Variants in TLK2 observed in about 807,000 individuals in gnomAD.
TLK2 encodes tousled like kinase 2.
In TLK2, 6 loss-of-function variants were observed where a neutral mutation model predicts 117.3. The ratio of observed to expected loss-of-function variants is 0.05; its 90% confidence interval spans 0.03 to 0.10. The LOEUF (loss-of-function observed/expected upper bound fraction) is 0.10, where lower values mean the gene tolerates loss of function less well. Among genes scored for constraint, TLK2 ranks in the 10% least tolerant of loss-of-function variants. TLK2 has a pLI of 1.00. For missense variants in TLK2, 299 were observed against 901.2 expected (o/e 0.33, Z 8.56); for synonymous variants, 257 against 316.7 (o/e 0.81, Z 2.00).
chr17:62,597,663 G>T (rs1567997757), intron 17 of TLK2, among the ~76,000 whole-genome samples: 1 of 152,184 alleles, frequency 6.6e-6, no homozygotes. Context: ...AGGCTCATAG[G>T]CTTATAGGAT....
intron 15 of TLK2, among the ~76,000 whole-genome samples, chr17:62,582,658 A>G (rs2146823894): frequency 6.6e-6 from 1 of 152,354 alleles, no homozygotes; most frequent in East Asian, 1.9e-4. Flanking sequence ...AAAGATAGAT[A>G]TAAAATTTAC....
rs1269796309 is a variant in TLK2 at position 62,520,843 on chromosome 17, A to G, written c.152A>G (p.Glu51Gly). ...SVGSLSDKEV[E>G]TPEKKQNDQR... ...GGATCCTTGAGTGATAAAGAAGTAG[A>G]GGTAAGAAGCTATGTTCATGGCAGG... Residue 51 changes from glutamate to glycine, a missense_variant and splice_region_variant, in exon 3 of 22, where the codon GAG (glutamate) becomes GGG (glycine). Physicochemically the swap from Glu to Gly is moderately conservative, Grantham distance 98. This residue lies in a region of TLK2 where 105 missense variants were observed against 218.4 expected (regional missense o/e 0.48). Coordinates refer to ENST00000346027, the MANE Select transcript of TLK2 (RefSeq NM_006852.6). 6.2e-7 allele frequency: 1 copy of G among 1,612,514 alleles called. No individual in the cohort carries two copies. Among genetic ancestry groups the G allele is most frequent in the South Asian group, 1.1e-5 (1 of 91,044 alleles).
At chr17:62,512,823 T>C (rs1160526439) in intron 2 of TLK2, among the ~76,000 whole-genome samples, 23 of 149,468 alleles carry the variant, frequency 1.5e-4, no homozygotes, top group Non-Finnish European at 3.0e-5. Flanking sequence ...ATTTAAGTTC[T>C]TGATCTATTT....
At chr17:62,516,697 T>C (rs560529487) in intron 2 of TLK2, 2 of 1,606,984 alleles carry the variant, frequency 1.2e-6, no homozygotes, top group East Asian at 2.2e-5. Context: ...GACATCCTTC[T>C]TGGCCACCAT....
At position 62,481,283 on chromosome 17, in the gene TLK2, G is replaced by C. The variant is rs11514500; in HGVS notation, c.81+77G>C. The C allele has an allele frequency of 1.7e-5, 26 of 1,528,690 alleles. No individual in the cohort carries two copies. The South Asian group carries it at 3.0e-4, about 18-fold the overall frequency. The allele number at this position is 1,528,690 out of a possible 1,614,324, so 94.7% of individuals were successfully genotyped here. On this transcript the variant is annotated intron_variant, in intron 2 of 21. Coordinates refer to ENST00000346027, the MANE Select transcript of TLK2 (RefSeq NM_006852.6). ...TTTTTAAATGATTAAGAGCAATTTG[G>C]GTAGGCCCTTCTGATAGTTTGCAGG...
chr17:62,580,207 C>T lies in TLK2; in HGVS notation c.1368+15C>T, dbSNP rs368042706. ...AAGTTTACAAGGTAAGTATAAGGAA[C>T]TGGATACAAAGACTGGGGGTTAAAT... On this transcript the variant is annotated intron_variant, in intron 15 of 21. Coordinates refer to ENST00000346027, the MANE Select transcript of TLK2 (RefSeq NM_006852.6). The T allele has an allele frequency of 8.2e-6, 13 of 1,590,274 alleles. No individual in the cohort carries two copies. In the African/African-American group the frequency reaches 1.8e-4, roughly 21 times the overall value.
In TLK2 at chr17:62,481,191, A is replaced by G. The variant is rs2071599234; in HGVS notation, c.66A>G (p.Gly22=). The G allele has an allele frequency of 1.9e-6, 3 of 1,613,860 alleles. No homozygotes were observed. Among genetic ancestry groups the G allele is most frequent in the Non-Finnish European group, 2.5e-6 (3 of 1,179,814 alleles). ...AATTATTGGAGGCCAGGTTTACTGG[A>G]GTAGGTGTTAGTAAGGTGAGTAAAA... ...RQELLEARFT[G]VGVSKGPLNS... The change falls in exon 2 of 22, where the codon GGA becomes GGG. Residue 22 remains glycine (G), a synonymous_variant. Coordinates refer to ENST00000346027, the MANE Select transcript of TLK2 (RefSeq NM_006852.6).
chr17:62,535,916 A>G (rs553083361), intron 6 of TLK2, among the ~76,000 whole-genome samples: 1 of 152,228 alleles, frequency 6.6e-6, no homozygotes, highest in African/African-American at 2.4e-5. Context: ...ACAAAGTAAC[A>G]TGTAAATTCA....
intron 10 of TLK2, among the ~76,000 whole-genome samples, chr17:62,564,352 A>G (rs1338252916): frequency 1.3e-5 from 2 of 152,162 alleles, no homozygotes; most frequent in Non-Finnish European, 2.9e-5. Flanking sequence ...CCTGGTCAAC[A>G]CAGTGAAACC....
At chr17:62,476,307 G>A (rs1302391871), upstream of TLK2, among the ~76,000 whole-genome samples, 1 of 152,028 alleles carries the variant, frequency 6.6e-6, no homozygotes, top group African/African-American at 2.4e-5. Flanking sequence ...TCATCGGCCA[G>A]GCGCGGTGGC....
rs146661809 is a variant in TLK2 at position 62,575,758 on chromosome 17, A to C, written c.1122-951A>C. 2.0e-4 allele frequency among the ~76,000 whole-genome samples: 31 copies of C among 151,978 alleles called. 1 individual carries two copies. In the East Asian group the frequency reaches 5.6e-3, roughly 28 times the overall value. Reference sequence around the variant, plus strand: ...GTTGCTTGGGCTGGAGTGCAGTGACATGATTATAGCTCACTATAGCCTCAA... The same window carrying C: ...GTTGCTTGGGCTGGAGTGCAGTGACCTGATTATAGCTCACTATAGCCTCAA... On this transcript the variant is annotated intron_variant, in intron 12 of 21. Transcript: ENST00000346027.
chr17:62,498,489 A>T (rs1398627533), intron 2 of TLK2, among the ~76,000 whole-genome samples: 1 of 151,316 alleles, frequency 6.6e-6, no homozygotes, highest in Non-Finnish European at 1.5e-5. Flanking sequence ...TCCTGGGCTC[A>T]AGCGATTCTC....
intron 2 of TLK2, among the ~76,000 whole-genome samples, chr17:62,497,532 C>G (rs1192285285): frequency 6.6e-6 from 1 of 152,072 alleles, no homozygotes; most frequent in Non-Finnish European, 1.5e-5. Context: ...GCTTTTTCCC[C>G]CATTATTAGA....
chr17:62,597,782 T>G (rs1172878277), intron 17 of TLK2, among the ~76,000 whole-genome samples: 2 of 152,196 alleles, frequency 1.3e-5, no homozygotes, highest in African/African-American at 4.8e-5. Context: ...TTGTGGGCAT[T>G]GCTATATTTT....
intron 16 of TLK2, 135 bp from the exon 17 acceptor site, chr17:62,596,450 G>T (rs966708603): frequency 1.6e-6 from 1 of 638,360 alleles, no homozygotes; most frequent in Non-Finnish European, 2.7e-6. Context: ...AAAGTCAGAT[G>T]AGGGACCAGA....
intron 11 of TLK2, among the ~76,000 whole-genome samples, chr17:62,567,939 A>G (rs1450800274): frequency 6.6e-6 from 1 of 152,132 alleles, no homozygotes; most frequent in African/African-American, 2.4e-5. Context: ...CCAGTTTAGT[A>G]ATTTTTGCTT....
chr17:62,484,515 C>G (rs1444992799), intron 2 of TLK2, among the ~76,000 whole-genome samples: 4 of 151,354 alleles, frequency 2.6e-5, no homozygotes, highest in Non-Finnish European at 4.4e-5. Context: ...CCAGGCTGGT[C>G]TCGAAATCCT....
chr17:62,475,750 C>T (rs534701182), upstream of TLK2, among the ~76,000 whole-genome samples: 1 of 151,826 alleles, frequency 6.6e-6, no homozygotes, highest in South Asian at 2.1e-4. Context: ...ACCTCCGCCT[C>T]CTGGGTTCAA....
At chr17:62,562,818 GACAA>G (rs1282626134) in intron 10 of TLK2, among the ~76,000 whole-genome samples, 2 of 152,168 alleles carry the variant, frequency 1.3e-5, no homozygotes, top group African/African-American at 4.8e-5. Flanking sequence ...ATTTACCCAA[GACAA>G]ACAAAAGCAA....
Sources: allele counts gnomAD v4.1 joint callset (sites outside exome capture counted in the v4.1 genomes callset), GRCh38; gene constraint gnomAD v4.1.1; regional missense constraint gnomAD v4.1.1; transcripts MANE v1.5; gene names NCBI Gene and HGNC (gene_info 2026-07-23, HGNC 2026-07-21).